The following CAPN5 variants were observed in gnomAD, a reference collection of about 807,000 sequenced individuals.
CAPN5 encodes calpain-5.
CAPN5 carries 54 observed loss-of-function variants against 73.0 expected under a neutral mutation model. The observed-to-expected ratio is 0.74, with a 90% CI of 0.59 to 0.93. The LOEUF (loss-of-function observed/expected upper bound fraction) is 0.93. Among genes scored for constraint, CAPN5 ranks in the 40% least tolerant of loss-of-function variants. The pLI, the probability that CAPN5 is intolerant of heterozygous loss-of-function variation, is 0.00. For missense variants in CAPN5, 785 were observed against 882.9 expected (o/e 0.89, Z 1.41); for synonymous variants, 335 against 356.9 (o/e 0.94, Z 0.69).
chr11:77,115,715 G>A (rs1296660055), intron 6 of CAPN5, 127 bp downstream of exon 6: 19 of 701,740 alleles, frequency 2.7e-5, no homozygotes, highest in East Asian at 5.3e-5. Context: ...CACTAGGAAC[G>A]AAGAAGGGAG....
intron 1 of CAPN5, among the ~76,000 whole-genome samples, chr11:77,067,698 A>G (rs1949859506): frequency 2.6e-4 from 2 of 7,550 alleles, no homozygotes; most frequent in South Asian, 7.6e-3. Context: ...GTGGTCTGGG[A>G]GGGAATGGAT....
intron 3 of CAPN5, chr11:77,103,234 TG>T: frequency 1.2e-6 from 2 of 1,613,652 alleles, no homozygotes; most frequent in East Asian, 4.5e-5. Context: ...CTGTCGGACC[TG>T]GCCAAGATCC....
chr11:77,097,092 G>A (rs2135442498), intron 3 of CAPN5, among the ~76,000 whole-genome samples: 1 of 152,216 alleles, frequency 6.6e-6, no homozygotes, highest in South Asian at 2.1e-4. Context: ...CGTGGTGGTG[G>A]GCGCCTGTAG....
At chr11:77,109,442 TATC>T (rs2135469425) in intron 3 of CAPN5, among the ~76,000 whole-genome samples, 1 of 152,368 alleles carries the variant, frequency 6.6e-6, no homozygotes, top group Admixed American at 6.5e-5. Flanking sequence ...TTTTTGTAAG[TATC>T]ATTCTGATCT....
At chr11:77,110,118 T>TG (rs1950396696) in intron 3 of CAPN5, among the ~76,000 whole-genome samples, 1 of 94,556 alleles carries the variant, frequency 1.1e-5, no homozygotes, top group African/African-American at 4.0e-5. Context: ...GGAACCGCTC[T>TG]TTTTTTTTTT....
At position 77,120,874 on chromosome 11, in the gene CAPN5, G is replaced by A; in HGVS notation, c.1452G>A (p.Leu484=). The A allele has an allele frequency of 6.2e-7, 1 of 1,614,052 alleles. No individual in the cohort carries two copies. Among genetic ancestry groups the A allele is most frequent in the African/African-American group, 1.3e-5 (1 of 75,062 alleles). The change falls in exon 10 of 13, where the codon CTG becomes CTA. Residue 484 remains leucine (L), a synonymous_variant. Transcript: ENST00000648180. ...AGCCAGGCCACACTGGCGAGTTCCT[G>A]CTCCGAGTCTTCACTGATGTGCCCT... ...TFEPGHTGEF[L]LRVFTDVPSN... is the part of the protein sequence containing the mutation.
intron 3 of CAPN5, chr11:77,103,192 A>G (rs1555039259): frequency 3.1e-6 from 5 of 1,613,634 alleles, no homozygotes. Flanking sequence ...ATAGATTGGA[A>G]TGAGGCCGAC....
At chr11:77,070,395 A>C (rs1465452376) in intron 1 of CAPN5, among the ~76,000 whole-genome samples, 5 of 152,236 alleles carry the variant, frequency 3.3e-5, no homozygotes, top group African/African-American at 1.2e-4. Flanking sequence ...GCCCCTGCTC[A>C]GCCAGTGCCC....
intron 3 of CAPN5, among the ~76,000 whole-genome samples, chr11:77,102,053 G>C (rs1950290600): frequency 1.3e-5 from 2 of 152,188 alleles, no homozygotes; most frequent in Admixed American, 6.5e-5. Context: ...TGTCACCTGG[G>C]AGGTGGTTAG....
At chr11:77,094,860 T>C (rs1950191466) in intron 3 of CAPN5, among the ~76,000 whole-genome samples, 1 of 152,194 alleles carries the variant, frequency 6.6e-6, no homozygotes, top group African/African-American at 2.4e-5. Context: ...ATAATTAATA[T>C]CATAGAACAT....
At chr11:77,104,444 C>A (rs1329622000) in intron 3 of CAPN5, among the ~76,000 whole-genome samples, 1 of 152,194 alleles carries the variant, frequency 6.6e-6, no homozygotes, top group Non-Finnish European at 1.5e-5. Context: ...GCAGTTACGA[C>A]GGCTGATAGT....
intron 1 of CAPN5, among the ~76,000 whole-genome samples, chr11:77,083,695 C>T (rs545028999): frequency 1.3e-5 from 2 of 152,332 alleles, no homozygotes; most frequent in African/African-American, 4.8e-5. Context: ...TGGCGGGCTC[C>T]TCAGCCTTCA....
chr11:77,083,912 T>C (rs1286198461), intron 1 of CAPN5, among the ~76,000 whole-genome samples: 5 of 152,226 alleles, frequency 3.3e-5, no homozygotes, highest in African/African-American at 1.2e-4. Flanking sequence ...CCCTCAGGGC[T>C]GGGCTGGAAA....
chr11:77,122,050 G>T lies in CAPN5; in HGVS notation c.1603+1G>T. The T allele has an allele frequency of 6.5e-7, 1 of 1,537,008 alleles. No homozygotes were observed. Reference sequence around the variant, plus strand: ...GCTGGCCTCAAGGACTCCCCAACAGGTGAGCTCTCCCAGGGAGAGTCCCCC... The same window carrying T: ...GCTGGCCTCAAGGACTCCCCAACAGTTGAGCTCTCCCAGGGAGAGTCCCCC... On this transcript the variant is annotated splice_donor_variant, in intron 11 of 12. Coordinates refer to ENST00000648180, the MANE Select transcript of CAPN5 (RefSeq NM_004055.5). LOFTEE classifies it high-confidence loss of function.
chr11:77,108,751 A>G (rs1344952920), intron 3 of CAPN5, among the ~76,000 whole-genome samples: 2 of 151,782 alleles, frequency 1.3e-5, no homozygotes, highest in African/African-American at 2.4e-5. Flanking sequence ...AAAAAAAACC[A>G]TAATACCAAC....
chr11:77,123,099 G>C (rs1316780607), intron 12 of CAPN5, among the ~76,000 whole-genome samples: 3 of 152,232 alleles, frequency 2.0e-5, no homozygotes, highest in Middle Eastern at 3.2e-3. Flanking sequence ...TTGGGCAGGG[G>C]ATAGAAAGCC....
At chr11:77,119,991 T>C (rs1555042468) in intron 9 of CAPN5, 1 of 152,250 alleles carries the variant, frequency 6.6e-6, no homozygotes, top group African/African-American at 2.4e-5. Flanking sequence ...GGTTGTGCTG[T>C]TGGAGTCAGA....
At position 77,081,206 on chromosome 11, in the gene CAPN5, A is replaced by C. The variant is rs1222325503; in HGVS notation, c.-35-3646A>C. ...TTCTCAAAGCAGGGCCCAGGTTAGCACTGTGCTCATTTTAGGGGGTGCCCT... is the reference window on the plus strand; with the variant it reads ...TTCTCAAAGCAGGGCCCAGGTTAGCCCTGTGCTCATTTTAGGGGGTGCCCT... On this transcript the variant is annotated intron_variant, in intron 1 of 12. Transcript: ENST00000648180. Among the ~76,000 whole-genome samples the C allele has an allele frequency of 2.0e-5, 3 of 152,320 alleles. No homozygotes were observed. In the East Asian group the frequency reaches 5.8e-4, roughly 29 times the overall value.
intron 3 of CAPN5, among the ~76,000 whole-genome samples, chr11:77,104,548 T>C (rs904123830): frequency 2.1e-4 from 32 of 152,312 alleles, no homozygotes; most frequent in Non-Finnish European, 2.2e-4. Flanking sequence ...ATGGGGAAAC[T>C]GAGGCACAAT....
Sources: allele counts gnomAD v4.1 joint callset (sites outside exome capture counted in the v4.1 genomes callset), GRCh38; gene constraint gnomAD v4.1.1; transcripts MANE v1.5; gene names NCBI Gene and HGNC (gene_info 2026-07-23, HGNC 2026-07-21).